The following CARD6 variants were observed in gnomAD, a reference collection of about 807,000 sequenced individuals.
CARD6 encodes the protein caspase recruitment domain family member 6, also known as caspase recruitment domain-containing protein 6.
A neutral mutation model predicts 23.6 loss-of-function variants in CARD6; 27 were observed. The observed-to-expected ratio is 1.14, with a 90% CI of 0.84 to 1.58. The LOEUF is 1.58. CARD6 is among the 40% of genes most tolerant of loss of function. CARD6 has a pLI of 0.00. For missense variants in CARD6, 1,214 were observed against 1,209.9 expected, an observed-to-expected ratio of 1.00 and a Z score of -0.05; for synonymous variants, 397 against 431.8, an observed-to-expected ratio of 0.92 and a Z score of 1.00.
intron 2 of CARD6, among the ~76,000 whole-genome samples, chr5:40,849,067 C>T (rs1441069961): frequency 2.6e-5 from 4 of 151,892 alleles, no homozygotes; most frequent in Non-Finnish European, 5.9e-5. Flanking sequence ...TGGCTCACTG[C>T]AACCCTGCAA....
In CARD6 at chr5:40,843,529, C is replaced by T; in HGVS notation, c.661C>T (p.Pro221Ser). 1.2e-6 allele frequency: 2 copies of T among 1,607,986 alleles called. No homozygotes were observed. Among genetic ancestry groups the T allele is most frequent in the African/African-American group, 1.3e-5 (1 of 74,528 alleles). ...GGAATATCTAGGATCTGTTGACACC[C>T]CTGAAGATGCAGAAGCCACTGTGGA... ...KEEYLGSVDT[P>S]EDAEATVEEE... Residue 221 changes from proline to serine, a missense_variant, in exon 2 of 3, where the codon CCT (proline) becomes TCT (serine). Coordinates refer to ENST00000254691, the MANE Select transcript of CARD6 (RefSeq NM_032587.4).
chr5:40,843,386 A>T lies in CARD6; in HGVS notation c.518A>T (p.Glu173Val), dbSNP rs1228190400. ...RKNEKEYDTP[E>V]VTLSYSVEKV... ...AATGAGAAGGAATATGACACACCAG[A>T]AGTCACATTATCATATTCAGTTGAG... is the stretch of plus-strand genomic sequence containing the variant. The change falls in exon 2 of 3, where the codon GAA becomes GTA. Residue 173 changes from glutamate to valine, a missense_variant. Physicochemically the swap from Glu to Val is moderately radical, Grantham distance 121 (BLOSUM62 -2). Coordinates refer to ENST00000254691, the MANE Select transcript of CARD6 (RefSeq NM_032587.4). 1 of 1,613,860 alleles carries T rather than the reference A, an allele frequency of 6.2e-7. No homozygotes were observed. The highest frequency in any genetic ancestry group is 8.5e-7 in the Non-Finnish European group (1 of 1,179,862).
chr5:40,849,662 T>C (rs1289513612), intron 2 of CARD6, among the ~76,000 whole-genome samples: 1 of 152,180 alleles, frequency 6.6e-6, no homozygotes, highest in Admixed American at 6.5e-5. Context: ...CTCTCTGTTA[T>C]GTACTATCTC....
In CARD6 at chr5:40,841,517, G is replaced by A. The variant is rs1745859097; in HGVS notation, c.135G>A (p.Glu45=). 2 of 1,614,074 alleles carry A rather than the reference G, an allele frequency of 1.2e-6. No homozygotes were observed. Among genetic ancestry groups the A allele is most frequent in the South Asian group, 1.1e-5 (1 of 91,072 alleles). Residue 45 remains glutamate, a synonymous_variant, in exon 1 of 3, where the codon GAG becomes GAA. Coordinates refer to ENST00000254691, the MANE Select transcript of CARD6 (RefSeq NM_032587.4). The stretch of plus-strand genomic sequence containing the variant: ...GGCTGATTTCTGAGGAAGAGTATGA[G>A]ACTCTGGAGAATGTTACAGATCTCC... ...SRRLISEEEY[E]TLENVTDLLK... is the part of the protein sequence containing the mutation.
At chr5:40,842,807 G>A (rs925971123) in intron 1 of CARD6, among the ~76,000 whole-genome samples, 1 of 152,192 alleles carries the variant, frequency 6.6e-6, no homozygotes, top group Non-Finnish European at 1.5e-5. Flanking sequence ...GGAGGCCGGG[G>A]CAGATGGATC....
rs1031524202 is a variant in CARD6 at position 40,854,568 on chromosome 5, G to T, written c.*122G>T. Reference sequence around the variant, plus strand: ...GTCATTAGCATGTAAAACAAAGAAAGATATACATGACTGAATTGGATATCT... The same window carrying T: ...GTCATTAGCATGTAAAACAAAGAAATATATACATGACTGAATTGGATATCT... On this transcript the variant is annotated 3_prime_UTR_variant, in exon 3 of 3. Transcript: ENST00000254691. 3 of 794,808 alleles carry T rather than the reference G, an allele frequency of 3.8e-6. No homozygotes were observed. In the East Asian group the frequency reaches 7.5e-5, roughly 20 times the overall value. 49.2% of individuals were successfully genotyped at this position (794,808 alleles called of 1,614,324 possible). A position where few individuals can be genotyped will look rare whatever the true frequency, so the allele number is the denominator to read the frequency against.
intron 1 of CARD6, 142 bp downstream of exon 1, chr5:40,841,807 GA>G (rs1745866826): frequency 1.4e-6 from 1 of 702,926 alleles, no homozygotes; most frequent in African/African-American, 1.8e-5. Flanking sequence ...ATGAAATAGG[GA>G]AAAACTGGAA....
In CARD6 at chr5:40,841,840, A is replaced by G. The variant is rs150000261; in HGVS notation, c.283+175A>G. Among the ~76,000 whole-genome samples, 447 of 152,354 alleles carry G rather than the reference A, an allele frequency of 2.9e-3. 2 individuals are homozygous for G. The highest frequency in any genetic ancestry group is 0.01 in the African/African-American group (426 of 41,594). On this transcript the variant is annotated intron_variant, in intron 1 of 2. Coordinates refer to ENST00000254691, the MANE Select transcript of CARD6 (RefSeq NM_032587.4). ...GGAATTTAAAAAGTTTCTGAAATTT[A>G]ACATCTTATTGGTCTACTGAATCGA...
In CARD6 at chr5:40,843,236, A is replaced by G. The variant is rs1432226719; in HGVS notation, c.368A>G (p.Lys123Arg). 6.2e-7 allele frequency: 1 copy of G among 1,614,072 alleles called. No homozygotes were observed. Among genetic ancestry groups the G allele is most frequent in the Non-Finnish European group, 8.5e-7 (1 of 1,179,970 alleles). Reference sequence around the variant, plus strand: ...GAAGATGCTTTTTCTCCTGGAATAAAACAGCCTGAAGCCCCTGAGATCACA... The same window carrying G: ...GAAGATGCTTTTTCTCCTGGAATAAGACAGCCTGAAGCCCCTGAGATCACA... ...NSEDAFSPGI[K>R]QPEAPEITVF... is the part of the protein sequence containing the mutation. The change falls in exon 2 of 3, where the codon AAA becomes AGA. Residue 123 changes from lysine to arginine, a missense_variant. Coordinates refer to ENST00000254691, the MANE Select transcript of CARD6 (RefSeq NM_032587.4).
rs746141004 is a variant in CARD6 at position 40,854,371 on chromosome 5, G to T, written c.3039G>T (p.Lys1013Asn). 144 of 1,613,932 alleles carry T rather than the reference G, an allele frequency of 8.9e-5. No homozygotes were observed. Among genetic ancestry groups the T allele is most frequent in the Non-Finnish European group, 1.2e-4 (140 of 1,180,000 alleles). ...CTCAGCCCAGACCCCCTCAACCTAAGTCATCCTCAACCAATCCTTCACAAG... is the reference window on the plus strand; with the variant it reads ...CTCAGCCCAGACCCCCTCAACCTAATTCATCCTCAACCAATCCTTCACAAG... ...KPSQPRPPQP[K>N]SSSTNPSQAK... The change falls in exon 3 of 3, where the codon AAG becomes AAT. Residue 1013 changes from lysine to asparagine, a missense_variant. By Grantham distance (94) the Lys-to-Asn change is moderately conservative. Coordinates refer to ENST00000254691, the MANE Select transcript of CARD6 (RefSeq NM_032587.4).
chr5:40,853,961 G>T lies in CARD6; in HGVS notation c.2629G>T (p.Glu877Ter), dbSNP rs1026355625. ...WPQQACTRVTELTEATGKLIR... is the reference protein window; with the variant it reads ...WPQQACTRVT ...TCAGCAAGCTTGCACCAGGGTAACA[G>T]AGTTAACTGAAGCAACTGGAAAACT... The change falls in exon 3 of 3, where the codon GAG becomes TAG. Residue 877 changes from glutamate (E) to a stop codon, truncating the protein, a stop_gained. Transcript: ENST00000254691. LOFTEE classifies it low-confidence loss of function (END_TRUNC). The T allele has an allele frequency of 1.2e-6, 2 of 1,614,178 alleles. No homozygotes were observed. Among genetic ancestry groups the T allele is most frequent in the Non-Finnish European group, 1.7e-6 (2 of 1,180,034 alleles).
chr5:40,851,842 G>A (rs965035758), intron 2 of CARD6, among the ~76,000 whole-genome samples: 2 of 151,820 alleles, frequency 1.3e-5, no homozygotes, highest in Non-Finnish European at 2.9e-5. Context: ...TAATGCAGAT[G>A]ACTTAATTTT....
intron 2 of CARD6, among the ~76,000 whole-genome samples, chr5:40,848,209 TG>T (rs1273480363): frequency 2.7e-4 from 39 of 145,786 alleles, no homozygotes; most frequent in Non-Finnish European, 3.7e-4. Flanking sequence ...TAATTTTAAT[TG>T]TTTTTTTTTT....
At position 40,853,812 on chromosome 5, in the gene CARD6, A is replaced by G. The variant is rs377707021; in HGVS notation, c.2480A>G (p.Gln827Arg). Residue 827 changes from glutamine to arginine, a missense_variant, in exon 3 of 3, where the codon CAG becomes CGG. Coordinates refer to ENST00000254691, the MANE Select transcript of CARD6 (RefSeq NM_032587.4). ...RLPRPICQHV[Q>R]ACPERPQMMG... is the part of the protein sequence containing the mutation. ...CCAAGACCCATTTGTCAGCATGTAC[A>G]GGCCTGCCCTGAGAGACCACAAATG... 8 of 1,614,088 alleles carry G rather than the reference A, an allele frequency of 5.0e-6. No homozygotes were observed. In the African/African-American group the frequency reaches 1.1e-4, roughly 22 times the overall value.
intron 2 of CARD6, among the ~76,000 whole-genome samples, chr5:40,849,966 C>T (rs1746028159): frequency 6.7e-6 from 1 of 148,998 alleles, no homozygotes; most frequent in African/African-American, 2.5e-5. Context: ...GGTAACAGTA[C>T]AAGACCCTGT....
chr5:40,852,127 A>G (rs773462553), intron 2 of CARD6, 47 bp from the exon 3 acceptor site: 28 of 1,279,732 alleles, frequency 2.2e-5, no homozygotes, highest in Non-Finnish European at 2.5e-5. Context: ...CGATGGGGAA[A>G]ATTGAAACTC....
rs1746168302 is a variant in CARD6, at chr5:40,855,119, G to A, written c.*673G>A. The A allele has an allele frequency of 6.6e-6, 1 of 152,350 alleles. No individual in the cohort carries two copies. Among genetic ancestry groups the A allele is most frequent in the Non-Finnish European group, 1.5e-5 (1 of 68,068 alleles). 9.4% of individuals were successfully genotyped at this position (152,350 alleles called of 1,614,324 possible). A position where few individuals can be genotyped will look rare whatever the true frequency, so the allele number is the denominator to read the frequency against. ...AAAGTGACTGTACAATAGGACGAAA[G>A]TTGCCTCTGTGTCTGAGAAAGTATC... On this transcript the variant is annotated 3_prime_UTR_variant, in exon 3 of 3. Coordinates refer to ENST00000254691, the MANE Select transcript of CARD6 (RefSeq NM_032587.4).
intron 2 of CARD6, among the ~76,000 whole-genome samples, chr5:40,849,988 A>C (rs10078904): frequency 0.019 from 2,858 of 152,068 alleles, 92 homozygotes; most frequent in African/African-American, 0.064. Flanking sequence ...TCAAAAAAAA[A>C]AAGTAGGTAG....
intron 2 of CARD6, 74 bp from the exon 3 acceptor site, chr5:40,852,100 G>C: frequency 1.1e-6 from 1 of 914,954 alleles, no homozygotes; most frequent in Non-Finnish European, 1.7e-6. Flanking sequence ...GAGTGAGACT[G>C]TCTCAAAAAA....
Sources: allele counts gnomAD v4.1 joint callset (sites outside exome capture counted in the v4.1 genomes callset), GRCh38; gene constraint gnomAD v4.1.1; transcripts MANE v1.5; gene names NCBI Gene and HGNC (gene_info 2026-07-23, HGNC 2026-07-21).